ASNS: variants seen among roughly 807,000 people sequenced by gnomAD.
ASNS encodes the protein asparagine synthetase (glutamine-hydrolyzing), also known as asparagine synthetase [glutamine-hydrolyzing].
In ASNS, 37 loss-of-function variants were observed where a neutral mutation model predicts 62.6. The ratio of observed to expected loss-of-function variants is 0.59; its 90% CI spans 0.45 to 0.78. The LOEUF (loss-of-function observed/expected upper bound fraction) is 0.78, where lower values mean the gene tolerates loss of function less well. ASNS is among the 30% of genes least tolerant of loss of function. ASNS has a pLI of 0.00. For synonymous variants in ASNS, 207 were observed against 237.9 expected, an observed-to-expected ratio of 0.87 and a Z score of 1.19; for missense variants, 520 against 682.4, an observed-to-expected ratio of 0.76 and a Z score of 2.65.
At chr7:97,882,161 A>G in the ASNS span, among the ~76,000 whole-genome samples, 1 of 152,034 alleles carries the variant, frequency 6.6e-6, no homozygotes, top group African/African-American at 2.4e-5. Flanking sequence ...TCCAAATTCT[A>G]TTTGAAGTTT....
At chr7:97,882,717 G>C in the ASNS span, among the ~76,000 whole-genome samples, 1 of 152,094 alleles carries the variant, frequency 6.6e-6, no homozygotes, top group Non-Finnish European at 1.5e-5. Flanking sequence ...GAGTGATGGT[G>C]GTGGTGCATG....
chr7:97,894,481 A>AAAAAAAAAAAAAAAAAAAAAAAAAAACC, the ASNS span, among the ~76,000 whole-genome samples: 1 of 9,274 alleles, frequency 1.1e-4, no homozygotes, highest in Non-Finnish European at 1.8e-4. Context: ...GAGGCTAACC[A>AAAAAAAAAAAAAAAAAAAAAAAAAAACC]AAAAAAAAAA....
At chr7:97,904,850 TTC>T in the ASNS span, among the ~76,000 whole-genome samples, 1 of 152,192 alleles carries the variant, frequency 6.6e-6, no homozygotes, top group Non-Finnish European at 1.5e-5. Context: ...CTGTGACATT[TTC>T]TCTGTTTTTC....
chr7:97,900,392 TAAC>T, the ASNS span, among the ~76,000 whole-genome samples: 1 of 80,376 alleles, frequency 1.2e-5, no homozygotes, highest in South Asian at 3.9e-4. Context: ...AAACAGAAAA[TAAC>T]AAGTTTTGGT....
At chr7:97,898,498 A>C in the ASNS span, 1 of 553,802 alleles carries the variant, frequency 1.8e-6, no homozygotes, top group Non-Finnish European at 3.3e-6. Context: ...TCTAATGAAG[A>C]CATCATGGAG....
At chr7:97,921,725 TAAC>T in the ASNS span, among the ~76,000 whole-genome samples, 1 of 152,170 alleles carries the variant, frequency 6.6e-6, no homozygotes, top group African/African-American at 2.4e-5. Flanking sequence ...GGAAATGTGA[TAAC>T]AAGACAGAAA....
chr7:97,864,424 C>T lies in ASNS; in HGVS notation c.322G>A (p.Gly108Arg). The change falls in exon 4 of 13, where the codon GGA becomes AGA. Residue 108 changes from glycine (G) to arginine (R), a missense_variant. Physicochemically the swap from Gly to Arg is moderately radical, Grantham distance 125. Transcript: ENST00000394308. ...ATACAAATTGTTTGCTCAATTCCTCCTTTGTCATAAAGATGAAGGATTATC... is the reference window on the plus strand; with the variant it reads ...ATACAAATTGTTTGCTCAATTCCTCTTTTGTCATAAAGATGAAGGATTATC... Reference protein sequence around the residue: ...GEIILHLYDKGGIEQTICMLD... With the variant: ...GEIILHLYDKRGIEQTICMLD... The T allele has an allele frequency of 8.7e-6, 14 of 1,613,962 alleles. No homozygotes were observed. Among genetic ancestry groups the T allele is most frequent in the Non-Finnish European group, 1.2e-5 (14 of 1,179,928 alleles).
chr7:97,885,259 T>C, the ASNS span, among the ~76,000 whole-genome samples: 3 of 152,266 alleles, frequency 2.0e-5, no homozygotes, highest in African/African-American at 7.2e-5. Context: ...TTCCATTGCA[T>C]AGTCAAACCA....
the ASNS span, among the ~76,000 whole-genome samples, chr7:97,878,250 T>C: frequency 6.6e-6 from 1 of 151,628 alleles, no homozygotes; most frequent in African/African-American, 2.4e-5. Context: ...TAGCTGGGAG[T>C]GGTGGCACAC....
chr7:97,890,448 A>C, the ASNS span, among the ~76,000 whole-genome samples: 1 of 152,248 alleles, frequency 6.6e-6, no homozygotes, highest in Non-Finnish European at 1.5e-5. Flanking sequence ...CAAGTCACTT[A>C]TAAGAGAATC....
At chr7:97,881,359 A>G in the ASNS span, among the ~76,000 whole-genome samples, 1 of 152,052 alleles carries the variant, frequency 6.6e-6, no homozygotes, top group African/African-American at 2.4e-5. Context: ...GTCTAGTTCC[A>G]AAACATTTTC....
chr7:97,862,835 A>C (rs1791789405), intron 4 of ASNS, among the ~76,000 whole-genome samples: 1 of 152,210 alleles, frequency 6.6e-6, no homozygotes. Flanking sequence ...AAAAAATGGC[A>C]AAGGATCTGA....
upstream of ASNS, among the ~76,000 whole-genome samples, chr7:97,875,679 A>G (rs1386770491): frequency 6.6e-6 from 1 of 152,214 alleles, no homozygotes; most frequent in African/African-American, 2.4e-5. Flanking sequence ...AACGGATCAC[A>G]GAGTCATGAG....
At position 97,856,822 on chromosome 7, in the gene ASNS, T is replaced by C; in HGVS notation, c.904-6A>G. On this transcript the variant is annotated splice_polypyrimidine_tract_variant and splice_region_variant and intron_variant, in intron 7 of 12. Coordinates refer to ENST00000394308, the MANE Select transcript of ASNS (RefSeq NM_001673.5). ...CTTCCAATATGATCTGCCACCTTATTATATAAAGAAATACCCATTTACTTG... is the reference window on the plus strand; with the variant it reads ...CTTCCAATATGATCTGCCACCTTATCATATAAAGAAATACCCATTTACTTG... The C allele has an allele frequency of 4.4e-6, 7 of 1,594,080 alleles. No individual in the cohort carries two copies. Among genetic ancestry groups the C allele is most frequent in the Non-Finnish European group, 5.1e-6 (6 of 1,171,574 alleles).
At chr7:97,916,224 C>CA in the ASNS span, among the ~76,000 whole-genome samples, 185 of 151,998 alleles carry the variant, frequency 1.2e-3, no homozygotes, top group African/African-American at 4.1e-3. Flanking sequence ...ACTAAAAATA[C>CA]AAAAAAATTA....
chr7:97,903,905 A>G, the ASNS span, among the ~76,000 whole-genome samples: 1 of 152,206 alleles, frequency 6.6e-6, no homozygotes, highest in Admixed American at 6.5e-5. Context: ...TAATTAGTAC[A>G]GGATATATCT....
chr7:97,896,274 T>G, the ASNS span, among the ~76,000 whole-genome samples: 1 of 151,846 alleles, frequency 6.6e-6, no homozygotes, highest in Non-Finnish European at 1.5e-5. Flanking sequence ...GCTAGAAGCC[T>G]CACACTACCT....
the ASNS span, among the ~76,000 whole-genome samples, chr7:97,917,778 T>C: frequency 6.6e-6 from 1 of 152,322 alleles, no homozygotes. Context: ...ATGCCCCTGG[T>C]AAAGCCACAG....
At chr7:97,883,418 C>T in the ASNS span, among the ~76,000 whole-genome samples, 2 of 151,936 alleles carry the variant, frequency 1.3e-5, no homozygotes, top group African/African-American at 4.8e-5. Context: ...TTCCCTCCAG[C>T]CCACCCAACC....
Sources: allele counts gnomAD v4.1 joint callset (sites outside exome capture counted in the v4.1 genomes callset), GRCh38; gene constraint gnomAD v4.1.1; transcripts MANE v1.5; gene names NCBI Gene and HGNC (gene_info 2026-07-23, HGNC 2026-07-21).